The following STXBP4 variants were observed in gnomAD, a reference collection of about 807,000 sequenced individuals.
The protein encoded by STXBP4 is syntaxin binding protein 4.
Under a neutral mutation model 76.1 loss-of-function variants are expected in STXBP4, and 55 were observed. The observed-to-expected ratio is 0.72, with a 90% CI of 0.58 to 0.91. The LOEUF (loss-of-function observed/expected upper bound fraction) is 0.91. Ranked by LOEUF, STXBP4 falls within the 40% of genes least tolerant of loss-of-function variation. The probability of loss-of-function intolerance (pLI) is 0.00; values close to 1 mark genes in which losing one functional copy is unlikely to be tolerated. For missense variants in STXBP4, 618 were observed against 636.9 expected (o/e 0.97, Z 0.32); for synonymous variants, 201 against 220.2 (o/e 0.91, Z 0.77).
intron 4 of STXBP4, among the ~76,000 whole-genome samples, chr17:54,995,094 T>C (rs1252103904): frequency 6.6e-6 from 1 of 152,210 alleles, no homozygotes; most frequent in African/African-American, 2.4e-5. Flanking sequence ...AGGGCAAGGA[T>C]GCTATCTGAT....
At chr17:55,003,706 G>A (rs1210708231) in intron 7 of STXBP4, among the ~76,000 whole-genome samples, 1 of 151,998 alleles carries the variant, frequency 6.6e-6, no homozygotes, top group Non-Finnish European at 1.5e-5. Context: ...TGTAAAATAG[G>A]TTAGAATTTT....
chr17:55,191,781 A>G, the STXBP4 span, among the ~76,000 whole-genome samples: 5 of 152,184 alleles, frequency 3.3e-5, no homozygotes, highest in East Asian at 1.9e-4. Context: ...ATTCAATTCA[A>G]TTCTCACACT....
chr17:55,060,419 G>A (rs2078981382), intron 12 of STXBP4, among the ~76,000 whole-genome samples: 2 of 151,986 alleles, frequency 1.3e-5, no homozygotes, highest in Admixed American at 1.3e-4. Context: ...TTAAAAACTA[G>A]AAATTTAAAT....
intron 11 of STXBP4, chr17:55,043,742 G>A (rs996575778): frequency 1.6e-5 from 18 of 1,151,862 alleles, no homozygotes; most frequent in South Asian, 9.6e-5. Flanking sequence ...TTTTGCTAAC[G>A]TAATTTGGAA....
At chr17:55,060,899 C>T (rs1323159301) in intron 12 of STXBP4, among the ~76,000 whole-genome samples, 1 of 152,150 alleles carries the variant, frequency 6.6e-6, no homozygotes, top group African/African-American at 2.4e-5. Context: ...GTATTATGAC[C>T]TAAGGCAGCA....
intron 15 of STXBP4, among the ~76,000 whole-genome samples, chr17:55,079,580 A>T (rs2079230958): frequency 7.1e-6 from 1 of 140,256 alleles, no homozygotes; most frequent in Non-Finnish European, 1.5e-5. Flanking sequence ...AGTGGCACAC[A>T]GTGGGACCCT....
intron 1 of STXBP4, among the ~76,000 whole-genome samples, chr17:54,978,190 A>G (rs1480980104): frequency 3.9e-5 from 6 of 152,218 alleles, no homozygotes; most frequent in Admixed American, 6.5e-5. Context: ...TAGAGCCAAG[A>G]AAGAACCTTT....
At chr17:55,127,266 CT>C (rs1347992831) in intron 16 of STXBP4, among the ~76,000 whole-genome samples, 1 of 152,106 alleles carries the variant, frequency 6.6e-6, no homozygotes. Context: ...CAGTGTAGGG[CT>C]TTTGAGATTC....
chr17:54,977,947 A>G (rs895348405), intron 1 of STXBP4, among the ~76,000 whole-genome samples: 1 of 152,190 alleles, frequency 6.6e-6, no homozygotes, highest in African/African-American at 2.4e-5. Context: ...AGCAGCCAAC[A>G]TCATTGTGCC....
At chr17:55,017,456 A>G (rs1053211974) in intron 8 of STXBP4, among the ~76,000 whole-genome samples, 2 of 152,162 alleles carry the variant, frequency 1.3e-5, no homozygotes, top group African/African-American at 2.4e-5. Context: ...GCTTCCTTAG[A>G]TCCCTTTGGA....
intron 17 of STXBP4, among the ~76,000 whole-genome samples, chr17:55,152,544 C>T (rs1057044121): frequency 9.2e-5 from 14 of 152,080 alleles, no homozygotes; most frequent in Non-Finnish European, 1.3e-4. Flanking sequence ...GGAGGCCTCC[C>T]GCAACTTACA....
the STXBP4 span, among the ~76,000 whole-genome samples, chr17:55,210,361 G>C: frequency 6.6e-6 from 1 of 152,148 alleles, no homozygotes; most frequent in African/African-American, 2.4e-5. Context: ...CAACAAAGGA[G>C]CGCTCATTCC....
At chr17:55,140,769 TTAAC>T (rs1203520864) in intron 16 of STXBP4, among the ~76,000 whole-genome samples, 1 of 152,202 alleles carries the variant, frequency 6.6e-6, no homozygotes, top group East Asian at 1.9e-4. Flanking sequence ...AAATTCTTAA[TTAAC>T]AAAGTAAAAT....
At chr17:55,198,242 C>A in the STXBP4 span, among the ~76,000 whole-genome samples, 1 of 152,186 alleles carries the variant, frequency 6.6e-6, no homozygotes, top group Non-Finnish European at 1.5e-5. Flanking sequence ...CCATCTGCCA[C>A]ACAGAAATGG....
chr17:54,995,421 T>C (rs551230632), intron 4 of STXBP4, among the ~76,000 whole-genome samples: 1 of 152,362 alleles, frequency 6.6e-6, no homozygotes, highest in South Asian at 2.1e-4. Context: ...GTATATTTCA[T>C]ATTTTCTTCA....
chr17:55,141,749 T>C (rs375670152), intron 17 of STXBP4, among the ~76,000 whole-genome samples: 10 of 152,238 alleles, frequency 6.6e-5, no homozygotes, highest in Admixed American at 6.5e-4. Context: ...CATTTTTTAA[T>C]GCTTTAAAAT....
chr17:54,984,589 C>T lies in STXBP4; in HGVS notation c.-156-1025C>T, dbSNP rs576779912. Among the ~76,000 whole-genome samples, 18 of 151,988 alleles carry T rather than the reference C, an allele frequency of 1.2e-4. No individual in the cohort carries two copies. In the South Asian group the frequency reaches 3.5e-3, roughly 30 times the overall value. The stretch of plus-strand genomic sequence containing the variant: ...CGATCTCCTGACCTCGTGATCCACC[C>T]GCCTCGGCCACCCAAAGTACTAGGA... On this transcript the variant is annotated intron_variant, in intron 1 of 17. Coordinates refer to ENST00000376352, the MANE Select transcript of STXBP4 (RefSeq NM_178509.6).
At chr17:54,978,144 G>A (rs573509583) in intron 1 of STXBP4, among the ~76,000 whole-genome samples, 9 of 152,270 alleles carry the variant, frequency 5.9e-5, no homozygotes, top group Middle Eastern at 6.8e-3. Flanking sequence ...TGGGAGACTT[G>A]TAGTTTAATA....
chr17:55,046,901 A>G (rs2078797175), intron 11 of STXBP4, among the ~76,000 whole-genome samples, 188 bp from the exon 12 acceptor site: 1 of 151,946 alleles, frequency 6.6e-6, no homozygotes, highest in South Asian at 2.1e-4. Context: ...TATTTACATC[A>G]CAATTTACTG....
Sources: gnomAD v4.1 joint callset for allele counts (sites outside exome capture counted in the v4.1 genomes callset) on GRCh38, gnomAD v4.1.1 for gene constraint, MANE v1.5 for transcripts, NCBI Gene and HGNC (gene_info 2026-07-23, HGNC 2026-07-21) for gene names.